CES1: variants seen among roughly 807,000 people sequenced by gnomAD.
CES1 encodes carboxylesterase 1.
Under a neutral mutation model 53.0 loss-of-function variants are expected in CES1, and 50 were observed. That is an observed-to-expected ratio of 0.94 (90% CI 0.75 to 1.19). The LOEUF is 1.19. CES1 is among the 50% of genes most tolerant of loss of function. CES1 has a pLI of 0.00. For missense variants in CES1, 534 were observed against 538.0 expected, an observed-to-expected ratio of 0.99 and a Z score of 0.07; for synonymous variants, 202 against 210.1, an observed-to-expected ratio of 0.96 and a Z score of 0.33.
chr16:55,813,169 C>A, intron 8 of CES1, 126 bp from the exon 9 acceptor site: 2 of 1,324,006 alleles, frequency 1.5e-6, no homozygotes, highest in South Asian at 2.4e-5. Context: ...GCTGCACATG[C>A]TCAGGATCCT....
intron 2 of CES1, among the ~76,000 whole-genome samples, chr16:55,828,508 G>T (rs183233722): frequency 2.7e-4 from 41 of 152,060 alleles, no homozygotes; most frequent in African/African-American, 9.4e-4. Flanking sequence ...TAGAATGCAC[G>T]CTCCAGGAAC....
chr16:55,816,497 T>A (rs1431685507), intron 8 of CES1, among the ~76,000 whole-genome samples: 2 of 152,206 alleles, frequency 1.3e-5, no homozygotes, highest in African/African-American at 4.8e-5. Context: ...GAGAATACTG[T>A]TGGAGTTTCC....
chr16:55,809,689 A>C (rs2031601710), intron 11 of CES1, among the ~76,000 whole-genome samples: 1 of 152,068 alleles, frequency 6.6e-6, no homozygotes, highest in Non-Finnish European at 1.5e-5. Flanking sequence ...CATTCTACAG[A>C]CCACCTCTCC....
chr16:55,822,930 A>G (rs114765581), intron 4 of CES1, among the ~76,000 whole-genome samples: 2,163 of 152,004 alleles, frequency 0.014, 46 homozygotes, highest in South Asian at 0.047. Flanking sequence ...AAAGGTTCAT[A>G]GCAGTTGCGC....
At chr16:55,812,048 G>T (rs1195854218) in intron 9 of CES1, among the ~76,000 whole-genome samples, 1 of 152,148 alleles carries the variant, frequency 6.6e-6, no homozygotes, top group Non-Finnish European at 1.5e-5. Context: ...TGGCACACCT[G>T]GCCTATGAAA....
chr16:55,817,429 T>C (rs1414126457), intron 7 of CES1, among the ~76,000 whole-genome samples: 2 of 152,222 alleles, frequency 1.3e-5, no homozygotes, highest in East Asian at 3.8e-4. Context: ...ACATTTCTTT[T>C]TCTGTTCAAG....
intron 3 of CES1, among the ~76,000 whole-genome samples, chr16:55,824,557 A>C (rs1318716240): frequency 6.6e-6 from 1 of 152,244 alleles, no homozygotes; most frequent in Non-Finnish European, 1.5e-5. Context: ...GAGGCACTTA[A>C]CCTGCCCAAG....
At chr16:55,824,607 C>G (rs1415451270) in intron 3 of CES1, among the ~76,000 whole-genome samples, 5 of 152,224 alleles carry the variant, frequency 3.3e-5, no homozygotes, top group African/African-American at 7.2e-5. Context: ...GACTTTAACC[C>G]AGGCAGTCTG....
chr16:55,824,430 T>G (rs2032338896), intron 3 of CES1, among the ~76,000 whole-genome samples: 1 of 152,200 alleles, frequency 6.6e-6, no homozygotes, highest in South Asian at 2.1e-4. Context: ...ATATTATTCA[T>G]GAAATATAAA....
intron 3 of CES1, among the ~76,000 whole-genome samples, chr16:55,825,616 A>G (rs571362294): frequency 6.6e-6 from 1 of 152,380 alleles, no homozygotes; most frequent in South Asian, 2.1e-4. Flanking sequence ...AAGTTACCCC[A>G]GATGAATGTT....
chr16:55,822,332 T>G (rs1377235992), intron 4 of CES1, among the ~76,000 whole-genome samples: 2 of 152,214 alleles, frequency 1.3e-5, no homozygotes, highest in Non-Finnish European at 2.9e-5. Context: ...ACAGAGAGCT[T>G]TGGCTGGGCT....
intron 1 of CES1, among the ~76,000 whole-genome samples, chr16:55,832,747 C>A (rs879234779): frequency 1.3e-5 from 2 of 152,216 alleles, no homozygotes; most frequent in South Asian, 2.1e-4. Context: ...GTGTGTGCGG[C>A]CTGAGGTGGG....
intron 8 of CES1, among the ~76,000 whole-genome samples, chr16:55,813,404 C>T (rs1475544784): frequency 6.6e-6 from 1 of 152,128 alleles, no homozygotes; most frequent in Non-Finnish European, 1.5e-5. Flanking sequence ...ATAAAGCCCC[C>T]GTGAGTACTG....
At chr16:55,812,843 C>A (rs537436961) in intron 9 of CES1, 60 bp downstream of exon 9, 103 of 1,609,854 alleles carry the variant, frequency 6.4e-5, no homozygotes, top group South Asian at 5.5e-4. Flanking sequence ...TTCCTGGGAC[C>A]AGAGACAGGA....
intron 11 of CES1, among the ~76,000 whole-genome samples, chr16:55,809,950 G>A (rs2031614881): frequency 6.6e-6 from 1 of 152,192 alleles, no homozygotes; most frequent in Non-Finnish European, 1.5e-5. Context: ...CCCTCTTCCT[G>A]GGCATGCCAG....
intron 8 of CES1, among the ~76,000 whole-genome samples, chr16:55,813,595 T>G (rs2031800470): frequency 6.6e-6 from 1 of 152,256 alleles, no homozygotes; most frequent in Non-Finnish European, 1.5e-5. Flanking sequence ...GCCTCATGTA[T>G]GAATCGGCCA....
At chr16:55,819,510 T>G (rs1432316820) in intron 7 of CES1, 25 bp downstream of exon 7, 1 of 1,548,992 alleles carries the variant, frequency 6.5e-7, no homozygotes, top group Non-Finnish European at 8.9e-7. Flanking sequence ...TTACAGGGTT[T>G]GGGCTACGGG....
At chr16:55,821,813 A>C (rs1354608171) in intron 4 of CES1, among the ~76,000 whole-genome samples, 1 of 152,218 alleles carries the variant, frequency 6.6e-6, no homozygotes, top group Non-Finnish European at 1.5e-5. Flanking sequence ...TTCCCACTAC[A>C]GATCACAAGC....
At chr16:55,816,831 A>C in intron 8 of CES1, 93 bp downstream of exon 8, 1 of 1,428,246 alleles carries the variant, frequency 7.0e-7, no homozygotes, top group African/African-American at 1.4e-5. Flanking sequence ...AGTTACTATA[A>C]TTACCCAAGA....
Sources: allele counts gnomAD v4.1 joint callset (sites outside exome capture counted in the v4.1 genomes callset), GRCh38; gene constraint gnomAD v4.1.1; transcripts MANE v1.5; gene names NCBI Gene and HGNC (gene_info 2026-07-23, HGNC 2026-07-21).